Variants in PTN observed in about 807,000 individuals in gnomAD.
PTN encodes pleiotrophin.
PTN carries 18 observed loss-of-function variants against 24.1 expected under a neutral mutation model. The observed-to-expected ratio is 0.75, with a 90% CI of 0.52 to 1.11. The LOEUF (loss-of-function observed/expected upper bound fraction) is 1.11. Ranked by LOEUF, PTN falls within the 50% of genes least tolerant of loss-of-function variation. The pLI is 0.00. For synonymous variants in PTN, 78 were observed against 68.6 expected (o/e 1.14, Z -0.67); for missense variants, 163 against 198.8 (o/e 0.82, Z 1.08).
At chr7:137,309,819 C>T (rs746244804) in intron 1 of PTN, among the ~76,000 whole-genome samples, 4 of 152,226 alleles carry the variant, frequency 2.6e-5, no homozygotes, top group Non-Finnish European at 4.4e-5. Flanking sequence ...GCTTCCTGCA[C>T]TGAAGTCATG....
chr7:137,325,792 T>C (rs113372788), intron 1 of PTN: 2 of 152,324 alleles, frequency 1.3e-5, no homozygotes, highest in African/African-American at 4.8e-5. Flanking sequence ...CTGGCATCTC[T>C]GCATGAGTGA....
intron 1 of PTN, among the ~76,000 whole-genome samples, chr7:137,332,858 C>T (rs576042665): frequency 6.6e-6 from 1 of 152,312 alleles, no homozygotes; most frequent in East Asian, 1.9e-4. Context: ...TGCTACTGGG[C>T]ACAATGACCC....
At chr7:137,307,563 T>C (rs889424773) in intron 1 of PTN, among the ~76,000 whole-genome samples, 4 of 152,054 alleles carry the variant, frequency 2.6e-5, no homozygotes, top group African/African-American at 9.7e-5. Flanking sequence ...TAAAATTCAG[T>C]CCATAATTAA....
At chr7:137,299,625 C>A (rs1160944746) in intron 1 of PTN, among the ~76,000 whole-genome samples, 1 of 151,906 alleles carries the variant, frequency 6.6e-6, no homozygotes, top group African/African-American at 2.4e-5. Flanking sequence ...GTGCTAAAAA[C>A]CATGCTCTGG....
rs1484896187 is a variant in PTN, at chr7:137,228,558, A to G, written c.452-483T>C. Among the ~76,000 whole-genome samples, 3 of 151,756 alleles carry G rather than the reference A, an allele frequency of 2.0e-5. No individual in the cohort carries two copies. The East Asian group carries it at 5.8e-4, about 29-fold the overall frequency. On this transcript the variant is annotated intron_variant, in intron 4 of 4. Transcript: ENST00000348225. ...GTATATTTTCTGAGCAAACAATTGC[A>G]AAGTGGTTCCACTCCAGGTCGGCCC... is the stretch of plus-strand genomic sequence containing the variant.
chr7:137,242,061 A>T (rs574553149), intron 4 of PTN, among the ~76,000 whole-genome samples: 54 of 152,274 alleles, frequency 3.5e-4, no homozygotes, highest in Non-Finnish European at 6.9e-4. Context: ...TGTTGGGGGG[A>T]ACTTCTTTTA....
chr7:137,245,428 T>C (rs1025839775), intron 4 of PTN, among the ~76,000 whole-genome samples: 1 of 152,222 alleles, frequency 6.6e-6, no homozygotes, highest in East Asian at 1.9e-4. Flanking sequence ...ATTACTCACA[T>C]GTCTGTGGTG....
At chr7:137,316,171 C>G (rs1182904219) in intron 1 of PTN, among the ~76,000 whole-genome samples, 9 of 152,150 alleles carry the variant, frequency 5.9e-5, no homozygotes, top group African/African-American at 2.2e-4. Flanking sequence ...CTCAAGGCAG[C>G]TCATTCCAAG....
chr7:137,291,917 T>C (rs1257532883), intron 1 of PTN, among the ~76,000 whole-genome samples: 4 of 152,162 alleles, frequency 2.6e-5, no homozygotes, highest in Non-Finnish European at 4.4e-5. Context: ...GTAACTTGGC[T>C]AGGGTTTCAA....
Position 137,228,073 on chromosome 7 carries a change from C to T in PTN, c.454G>A (p.Glu152Lys). 6.5e-7 allele frequency: 1 copy of T among 1,535,552 alleles called. No homozygotes were observed. The change falls in exon 5 of 5, where the codon GAA becomes AAA. Residue 152 changes from glutamate (E) to lysine (K), a missense_variant and splice_region_variant. Physicochemically the swap from Glu to Lys is moderately conservative, Grantham distance 56. Coordinates refer to ENST00000348225, the MANE Select transcript of PTN (RefSeq NM_002825.7). ...GKLTKPKPQA[E>K]SKKKKKEGKK... The stretch of plus-strand genomic sequence containing the variant: ...CCTTCCTTTTTCTTCTTCTTAGATT[C>T]TGCTGTGATTACAAAAAAGAGAGAC...
At chr7:137,337,735 A>G (rs912956758) in intron 1 of PTN, among the ~76,000 whole-genome samples, 42 of 152,170 alleles carry the variant, frequency 2.8e-4, no homozygotes, top group Admixed American at 2.8e-3. Flanking sequence ...TGAAGGAAAG[A>G]GAGTGGGAGA....
In PTN at chr7:137,306,600, C is replaced by G. The variant is rs144699672; in HGVS notation, c.-2+36839G>C. 9.9e-4 allele frequency among the ~76,000 whole-genome samples: 151 copies of G among 152,168 alleles called. 1 individual carries two copies. Among genetic ancestry groups the G allele is most frequent in the Non-Finnish European group, 1.6e-3 (111 of 67,992 alleles). ...ATGCCAAAGCCAATACAGCTCAACT[C>G]ACCAATTTTTTTTTGTAGAAACAGA... On this transcript the variant is annotated intron_variant, in intron 1 of 4. Coordinates refer to ENST00000348225, the MANE Select transcript of PTN (RefSeq NM_002825.7).
Position 137,293,220 on chromosome 7 carries a change from C to T in PTN, c.-1-38246G>A, listed in dbSNP as rs1286276577. On this transcript the variant is annotated intron_variant, in intron 1 of 4. Coordinates refer to ENST00000348225, the MANE Select transcript of PTN (RefSeq NM_002825.7). ...TTGGCTTAGGCCTAAAACTGCTCAA[C>T]AGTGAAGTTGAGAGATGAAAGAGAA... Among the ~76,000 whole-genome samples the T allele has an allele frequency of 2.0e-5, 3 of 152,040 alleles. No individual in the cohort carries two copies. The East Asian group carries it at 5.8e-4, about 29-fold the overall frequency.
At chr7:137,298,096 T>C (rs1201155073) in intron 1 of PTN, among the ~76,000 whole-genome samples, 1 of 151,850 alleles carries the variant, frequency 6.6e-6, no homozygotes, top group African/African-American at 2.4e-5. Flanking sequence ...GAGCAAGAAT[T>C]GATAAAATAT....
chr7:137,293,920 T>A (rs1809679569), intron 1 of PTN, among the ~76,000 whole-genome samples: 1 of 152,166 alleles, frequency 6.6e-6, no homozygotes, highest in South Asian at 2.1e-4. Context: ...CTGTCTGTGC[T>A]ATGACCTCCC....
intron 4 of PTN, among the ~76,000 whole-genome samples, chr7:137,241,284 C>G (rs1808624057): frequency 6.6e-6 from 1 of 152,176 alleles, no homozygotes; most frequent in Non-Finnish European, 1.5e-5. Flanking sequence ...TCTAAATTCT[C>G]TATAGCCTCA....
intron 1 of PTN, among the ~76,000 whole-genome samples, chr7:137,284,092 C>T (rs1262079638): frequency 6.7e-6 from 1 of 149,992 alleles, no homozygotes; most frequent in Non-Finnish European, 1.5e-5. Context: ...TCAGCCTCTC[C>T]GAGTAGCTGG....
chr7:137,228,127 T>C (rs1389995757), intron 4 of PTN, 52 bp from the exon 5 acceptor site: 1 of 1,182,656 alleles, frequency 8.5e-7, no homozygotes, highest in East Asian at 2.3e-5. Context: ...AAATGTCAAG[T>C]TACTAAATTG....
intron 1 of PTN, among the ~76,000 whole-genome samples, chr7:137,284,035 C>T (rs1178990897): frequency 7.8e-6 from 1 of 127,994 alleles, no homozygotes; most frequent in Non-Finnish European, 1.6e-5. Context: ...GGCGAGATCT[C>T]GGCTCACTGC....
Sources: gnomAD v4.1 joint callset for allele counts (sites outside exome capture counted in the v4.1 genomes callset) on GRCh38, gnomAD v4.1.1 for gene constraint, MANE v1.5 for transcripts, NCBI Gene and HGNC (gene_info 2026-07-23, HGNC 2026-07-21) for gene names.